Variants in KIF6 observed in about 807,000 individuals in gnomAD.
The protein encoded by KIF6 is kinesin family member 6.
In KIF6, 106 loss-of-function variants were observed where a neutral mutation model predicts 112.7. The ratio of observed to expected loss-of-function variants is 0.94; its 90% CI spans 0.80 to 1.11. KIF6 has a LOEUF of 1.11. Among genes scored for constraint, KIF6 ranks in the 50% least tolerant of loss-of-function variants. KIF6 has a pLI of 0.00. For missense variants in KIF6, 929 were observed against 964.0 expected, an observed-to-expected ratio of 0.96 and a Z score of 0.48; for synonymous variants, 339 against 339.9, an observed-to-expected ratio of 1.00 and a Z score of 0.03.
chr6:39,419,621 C>T (rs1219420316), intron 15 of KIF6, among the ~76,000 whole-genome samples: 6 of 152,146 alleles, frequency 3.9e-5, no homozygotes, highest in Non-Finnish European at 7.3e-5. Context: ...TACGAAATGA[C>T]GTCTCACTGT....
intron 3 of KIF6, among the ~76,000 whole-genome samples, chr6:39,674,375 G>C (rs1002626561): frequency 2.6e-5 from 4 of 152,120 alleles, no homozygotes; most frequent in Non-Finnish European, 5.9e-5. Flanking sequence ...TGCAGAAAGA[G>C]ATGATCATAT....
At chr6:39,653,143 T>G (rs549251392) in intron 3 of KIF6, among the ~76,000 whole-genome samples, 1 of 152,328 alleles carries the variant, frequency 6.6e-6, no homozygotes, top group Non-Finnish European at 1.5e-5. Flanking sequence ...ACACCTTTGT[T>G]GCTGACACAG....
intron 3 of KIF6, among the ~76,000 whole-genome samples, chr6:39,687,476 C>T (rs935756739): frequency 3.3e-5 from 5 of 152,124 alleles, no homozygotes; most frequent in Non-Finnish European, 5.9e-5. Context: ...AAAATTTGAA[C>T]TTCTTATTCC....
At chr6:39,479,418 C>T (rs541086868) in intron 13 of KIF6, among the ~76,000 whole-genome samples, 10 of 152,052 alleles carry the variant, frequency 6.6e-5, no homozygotes, top group Admixed American at 2.0e-4. Context: ...AGTATTTGGG[C>T]TTAGTTCTGG....
intron 10 of KIF6, among the ~76,000 whole-genome samples, chr6:39,559,083 T>A (rs867477826): frequency 1.3e-5 from 2 of 152,156 alleles, no homozygotes; most frequent in South Asian, 4.1e-4. Context: ...AGTGGAGAAA[T>A]TTCATCTATA....
chr6:39,586,139 T>A, intron 8 of KIF6, 122 bp downstream of exon 8: 2 of 873,024 alleles, frequency 2.3e-6, no homozygotes, highest in South Asian at 3.1e-5. Context: ...CTCTGTAGGG[T>A]ACTGCCCTCT....
intron 13 of KIF6, among the ~76,000 whole-genome samples, chr6:39,476,827 A>G (rs1581937951): frequency 1.3e-5 from 2 of 152,226 alleles, no homozygotes; most frequent in South Asian, 4.1e-4. Context: ...TAATCTTTGA[A>G]CATCTGTATG....
At chr6:39,541,468 C>A (rs917057469) in intron 12 of KIF6, among the ~76,000 whole-genome samples, 1 of 152,212 alleles carries the variant, frequency 6.6e-6, no homozygotes, top group Admixed American at 6.5e-5. Flanking sequence ...TCATACACTT[C>A]CATTGGTTCA....
intron 13 of KIF6, among the ~76,000 whole-genome samples, chr6:39,527,700 T>C (rs139849128): frequency 6.6e-6 from 1 of 152,254 alleles, no homozygotes; most frequent in Non-Finnish European, 1.5e-5. Flanking sequence ...CTTATTTTTC[T>C]AGCCTTATTT....
chr6:39,585,031 AT>A, intron 8 of KIF6, 47 bp from the exon 9 acceptor site: 1 of 1,053,624 alleles, frequency 9.5e-7, no homozygotes, highest in South Asian at 1.3e-5. Flanking sequence ...ATAGAGAGAT[AT>A]TTCTTTCTAG....
intron 19 of KIF6, among the ~76,000 whole-genome samples, chr6:39,350,747 G>A (rs1764178405): frequency 6.6e-6 from 1 of 152,204 alleles, no homozygotes; most frequent in South Asian, 2.1e-4. Context: ...CAAGTGGCAA[G>A]GATTTCTTTG....
Position 39,332,335 on chromosome 6 carries a change from C to T in KIF6, c.*4197G>A, listed in dbSNP as rs1001963730. The T allele has an allele frequency of 3.3e-5, 5 of 152,136 alleles. No individual in the cohort carries two copies. The highest frequency in any genetic ancestry group is 1.2e-4 in the African/African-American group (5 of 41,416). The allele number at this position is 152,136 out of a possible 1,614,324, so 9.4% of individuals were successfully genotyped here. On this transcript the variant is annotated 3_prime_UTR_variant, in exon 23 of 23. Transcript: ENST00000287152. The stretch of plus-strand genomic sequence containing the variant: ...TGATTATTTTTTAATGGACACCAGA[C>T]ATTGTGGATTCTATATTGTTGGATG...
At chr6:39,608,205 T>C (rs572710590) in intron 6 of KIF6, among the ~76,000 whole-genome samples, 2 of 152,294 alleles carry the variant, frequency 1.3e-5, no homozygotes, top group South Asian at 4.1e-4. Context: ...ATAACTCAGA[T>C]AAATCTAGTA....
intron 13 of KIF6, among the ~76,000 whole-genome samples, chr6:39,482,937 G>T (rs1295977221): frequency 6.6e-6 from 1 of 152,156 alleles, no homozygotes; most frequent in Non-Finnish European, 1.5e-5. Context: ...CAGGTCTTAT[G>T]ACCAACCTAG....
rs533664670 is a variant in KIF6 at position 39,647,673 on chromosome 6, G to A, written c.252-7916C>T. The stretch of plus-strand genomic sequence containing the variant: ...CAGATGGGTGAAGGATTATGGCTAT[G>A]TCAGGAACCTAGGTCAAACAGTGAA... On this transcript the variant is annotated intron_variant, in intron 3 of 22. Coordinates refer to ENST00000287152, the MANE Select transcript of KIF6 (RefSeq NM_145027.6). Among the ~76,000 whole-genome samples, 7 of 151,692 alleles carry A rather than the reference G, an allele frequency of 4.6e-5. No individual in the cohort carries two copies. The East Asian group carries it at 5.8e-4, about 13-fold the overall frequency.
chr6:39,665,984 T>C (rs1786442870), intron 3 of KIF6, among the ~76,000 whole-genome samples: 1 of 152,182 alleles, frequency 6.6e-6, no homozygotes. Flanking sequence ...TATCCTACCA[T>C]GAACATAATT....
At chr6:39,446,296 A>G (rs1772309684) in intron 13 of KIF6, among the ~76,000 whole-genome samples, 1 of 152,116 alleles carries the variant, frequency 6.6e-6, no homozygotes, top group African/African-American at 2.4e-5. Context: ...GAACTATCCA[A>G]TGCCTTTGTA....
chr6:39,399,543 G>A (rs1037279380), intron 15 of KIF6, among the ~76,000 whole-genome samples: 13 of 152,240 alleles, frequency 8.5e-5, no homozygotes, highest in African/African-American at 1.2e-4. Context: ...CTGATGACAT[G>A]CTTGTGTCAT....
chr6:39,415,822 T>G (rs1769878472), intron 15 of KIF6, among the ~76,000 whole-genome samples: 1 of 152,104 alleles, frequency 6.6e-6, no homozygotes, highest in Non-Finnish European at 1.5e-5. Flanking sequence ...AAGAGAAACA[T>G]TTTTTAAAAG....
Sources: allele counts gnomAD v4.1 joint callset (sites outside exome capture counted in the v4.1 genomes callset), GRCh38; gene constraint gnomAD v4.1.1; transcripts MANE v1.5; gene names NCBI Gene and HGNC (gene_info 2026-07-23, HGNC 2026-07-21).